The following MARCHF1 variants were observed in gnomAD, a reference collection of about 807,000 sequenced individuals.
The protein encoded by MARCHF1 is membrane associated ring-CH-type finger 1.
MARCHF1 carries 40 observed loss-of-function variants against 54.2 expected under a neutral mutation model. The ratio of observed to expected loss-of-function variants is 0.74; its 90% CI spans 0.57 to 0.96. MARCHF1 has a LOEUF of 0.96. Ranked by LOEUF, MARCHF1 falls within the 40% of genes least tolerant of loss-of-function variation. The pLI is 0.00. For synonymous variants in MARCHF1, 236 were observed against 236.3 expected (o/e 1.00, Z 0.01); for missense variants, 586 against 656.5 (o/e 0.89, Z 1.17).
At chr4:163,559,116 C>T (rs1209547150) in intron 8 of MARCHF1, among the ~76,000 whole-genome samples, 4 of 152,132 alleles carry the variant, frequency 2.6e-5, no homozygotes, top group Non-Finnish European at 5.9e-5. Flanking sequence ...GCATTAAAAC[C>T]TATTTCTATG....
In MARCHF1 at chr4:164,290,817, A is replaced by T. The variant is rs115572861; in HGVS notation, c.-323+93053T>A. Among the ~76,000 whole-genome samples the T allele has an allele frequency of 6.5e-3, 991 of 152,064 alleles. 5 individuals carry two copies. The highest frequency in any genetic ancestry group is 0.011 in the Non-Finnish European group (746 of 67,846). On this transcript the variant is annotated intron_variant, in intron 1 of 9. Coordinates refer to ENST00000514618, the MANE Select transcript of MARCHF1 (RefSeq NM_001394959.1). ...CATATAAATAGCCTGTGAAGGAAAG[A>T]TCATGAAAAACTATCCTTGAAATCT...
At chr4:163,891,632 C>T (rs1750663330) in intron 3 of MARCHF1, among the ~76,000 whole-genome samples, 1 of 152,104 alleles carries the variant, frequency 6.6e-6, no homozygotes, top group Non-Finnish European at 1.5e-5. Flanking sequence ...CCATCATAGA[C>T]TTCACTGTGC....
At chr4:163,577,927 G>C (rs1740092810) in intron 8 of MARCHF1, among the ~76,000 whole-genome samples, 2 of 151,698 alleles carry the variant, frequency 1.3e-5, no homozygotes, top group Admixed American at 1.3e-4. Context: ...CCCCACAGCT[G>C]AGAGAGAAAT....
At chr4:164,371,982 T>A (rs559659612) in intron 1 of MARCHF1, among the ~76,000 whole-genome samples, 2 of 152,350 alleles carry the variant, frequency 1.3e-5, no homozygotes, top group South Asian at 4.1e-4. Context: ...TCCTGCAGGC[T>A]GTGCCAGGAG....
intron 3 of MARCHF1, among the ~76,000 whole-genome samples, chr4:163,966,465 A>G (rs1428393321): frequency 6.6e-6 from 1 of 152,126 alleles, no homozygotes. Context: ...CATCTATGTA[A>G]CATTTATTGA....
chr4:164,010,761 A>T (rs1191010794), intron 2 of MARCHF1, among the ~76,000 whole-genome samples: 1 of 152,106 alleles, frequency 6.6e-6, no homozygotes, highest in Non-Finnish European at 1.5e-5. Flanking sequence ...AAATAGAAAA[A>T]AAATCTTAAA....
At chr4:164,301,624 G>C (rs1205018575) in intron 1 of MARCHF1, among the ~76,000 whole-genome samples, 1 of 152,096 alleles carries the variant, frequency 6.6e-6, no homozygotes, top group African/African-American at 2.4e-5. Context: ...AGAAAATGCT[G>C]AGTCAATAAA....
At chr4:163,656,541 C>T (rs1238620335) in intron 5 of MARCHF1, among the ~76,000 whole-genome samples, 1 of 152,026 alleles carries the variant, frequency 6.6e-6, no homozygotes, top group Non-Finnish European at 1.5e-5. Flanking sequence ...GCGACTCCTC[C>T]TTAACTCATT....
chr4:163,697,624 T>C (rs967178993), intron 5 of MARCHF1, among the ~76,000 whole-genome samples: 1 of 152,182 alleles, frequency 6.6e-6, no homozygotes, highest in African/African-American at 2.4e-5. Flanking sequence ...ATATAAAAGA[T>C]AATCTTGCCA....
intron 4 of MARCHF1, among the ~76,000 whole-genome samples, chr4:163,832,602 A>ATTAT (rs945419517): frequency 0.014 from 2,175 of 150,528 alleles, 45 homozygotes; most frequent in African/African-American, 0.047. Context: ...TATTATTATT[A>ATTAT]TAATACTTTA....
chr4:164,089,645 T>G (rs1023678111), intron 2 of MARCHF1, among the ~76,000 whole-genome samples: 1 of 152,074 alleles, frequency 6.6e-6, no homozygotes, highest in Non-Finnish European at 1.5e-5. Context: ...CTACTAATAT[T>G]TCATTTACAA....
rs1239160394 is a variant in MARCHF1, at chr4:164,177,001, TATATATATAC to T, written c.-322-65349_-322-65340del. On this transcript the variant is annotated intron_variant, in intron 1 of 9. Transcript: ENST00000514618. ...CTCTCTATATATATATATATATATATATATATATACAAATGATAGAATTAGGCATGTTTCC... is the reference window on the plus strand; with the variant it reads ...CTCTCTATATATATATATATATATATAAATGATAGAATTAGGCATGTTTCC... 2.5e-3 allele frequency among the ~76,000 whole-genome samples: 226 copies of T among 91,658 alleles called. 2 individuals carry two copies. Among genetic ancestry groups the T allele is most frequent in the African/African-American group, 0.012 (218 of 18,660 alleles). 60.1% of individuals were successfully genotyped at this position (91,658 alleles called of 152,430 possible). A position where few individuals can be genotyped will look rare whatever the true frequency, so the allele number is the denominator to read the frequency against.
intron 1 of MARCHF1, among the ~76,000 whole-genome samples, chr4:164,269,327 A>G (rs1230785937): frequency 6.6e-6 from 1 of 152,088 alleles, no homozygotes; most frequent in African/African-American, 2.4e-5. Flanking sequence ...TCAAGACTGC[A>G]GCATTTCAGA....
At chr4:164,245,021 C>T (rs942528949) in intron 1 of MARCHF1, among the ~76,000 whole-genome samples, 13 of 152,134 alleles carry the variant, frequency 8.5e-5, no homozygotes, top group Non-Finnish European at 1.8e-4. Flanking sequence ...CCGAATTCTA[C>T]CAGAGGTACA....
At chr4:163,592,426 T>C (rs1740621118) in intron 7 of MARCHF1, among the ~76,000 whole-genome samples, 1 of 151,984 alleles carries the variant, frequency 6.6e-6, no homozygotes. Context: ...TAGGGAATGA[T>C]CAACAACAAA....
At chr4:163,767,098 TA>T (rs530799338) in intron 4 of MARCHF1, among the ~76,000 whole-genome samples, 3,866 of 106,624 alleles carry the variant, frequency 0.036, 81 homozygotes, top group African/African-American at 0.065. Context: ...TACGGCGATG[TA>T]AAAAAAAAAA....
chr4:163,600,037 C>A (rs1357314805), intron 7 of MARCHF1, among the ~76,000 whole-genome samples: 1 of 152,080 alleles, frequency 6.6e-6, no homozygotes, highest in Non-Finnish European at 1.5e-5. Flanking sequence ...TAAATTTGTA[C>A]CAGTTGCTAG....
At chr4:163,867,440 T>C (rs959382896) in intron 3 of MARCHF1, among the ~76,000 whole-genome samples, 2 of 151,910 alleles carry the variant, frequency 1.3e-5, no homozygotes, top group African/African-American at 2.4e-5. Context: ...ATGAAGTTAA[T>C]TGGACACACA....
At chr4:164,196,279 TCATA>T (rs939812239) in intron 1 of MARCHF1, among the ~76,000 whole-genome samples, 1 of 152,126 alleles carries the variant, frequency 6.6e-6, no homozygotes, top group Non-Finnish European at 1.5e-5. Context: ...ATAACTATAT[TCATA>T]ATGTCCCCAG....
Sources: allele counts gnomAD v4.1 joint callset (sites outside exome capture counted in the v4.1 genomes callset), GRCh38; gene constraint gnomAD v4.1.1; transcripts MANE v1.5; gene names NCBI Gene and HGNC (gene_info 2026-07-23, HGNC 2026-07-21).